The following PREX1 variants were observed in gnomAD, a reference collection of about 807,000 sequenced individuals.
The protein encoded by PREX1 is phosphatidylinositol 3,4,5-trisphosphate-dependent Rac exchanger 1 protein.
A neutral mutation model predicts 198.3 loss-of-function variants in PREX1; 41 were observed. The observed-to-expected ratio is 0.21, with a 90% CI of 0.16 to 0.27. The LOEUF (loss-of-function observed/expected upper bound fraction) is 0.27. Among genes scored for constraint, PREX1 ranks in the 10% least tolerant of loss-of-function variants. The pLI, the probability that PREX1 is intolerant of heterozygous loss-of-function variation, is 1.00. For synonymous variants in PREX1, 843 were observed against 887.2 expected, an observed-to-expected ratio of 0.95 and a Z score of 0.89; for missense variants, 1,620 against 2,200.7, an observed-to-expected ratio of 0.74 and a Z score of 5.28.
chr20:48,716,302 C>T (rs2206742), intron 5 of PREX1, among the ~76,000 whole-genome samples: 23,786 of 152,254 alleles, frequency 0.16, 2,197 homozygotes, highest in Middle Eastern at 0.29. Context: ...ACCTCCCTCT[C>T]GCCCCTGCAA....
intron 2 of PREX1, among the ~76,000 whole-genome samples, chr20:48,745,363 T>C (rs2090103019): frequency 6.6e-6 from 1 of 152,250 alleles, no homozygotes; most frequent in South Asian, 2.1e-4. Context: ...TAATCGTGTG[T>C]TAAGAACTTT....
At chr20:48,807,494 A>T (rs1184428925) in intron 1 of PREX1, among the ~76,000 whole-genome samples, 1 of 152,170 alleles carries the variant, frequency 6.6e-6, no homozygotes, top group Non-Finnish European at 1.5e-5. Context: ...GCTAACGGCC[A>T]CTCACAGAGT....
rs2089560558 is a variant in PREX1 at position 48,658,220 on chromosome 20, G to C, written c.1890C>G (p.Pro630=). 1 of 1,614,104 alleles carries C rather than the reference G, an allele frequency of 6.2e-7. No individual in the cohort carries two copies. Among genetic ancestry groups the C allele is most frequent in the Non-Finnish European group, 8.5e-7 (1 of 1,179,974 alleles). Residue 630 remains proline (P), a synonymous_variant, in exon 17 of 40, where the codon CCC becomes CCG. Transcript: ENST00000371941. The stretch of plus-strand genomic sequence containing the variant: ...TGTCAAAGCCATAGTCCTCCTCCTG[G>C]GGCAGGATCTGGGGGCCCAGGGCAG... ...NILAKRLLIL[P]QEEDYGFDIE...
intron 6 of PREX1, among the ~76,000 whole-genome samples, chr20:48,703,442 G>A (rs2089885776): frequency 6.6e-6 from 1 of 152,154 alleles, no homozygotes; most frequent in Non-Finnish European, 1.5e-5. Context: ...AAGACTCAGG[G>A]CTGTCATGAG....
intron 5 of PREX1, among the ~76,000 whole-genome samples, chr20:48,714,873 C>G (rs1278938648): frequency 2.0e-5 from 3 of 152,122 alleles, no homozygotes; most frequent in Non-Finnish European, 2.9e-5. Flanking sequence ...AGAGGGAGTG[C>G]ACAGATATGG....
chr20:48,651,648 G>T, intron 21 of PREX1, 65 bp from the exon 22 acceptor site: 4 of 1,493,078 alleles, frequency 2.7e-6, no homozygotes, highest in Non-Finnish European at 3.6e-6. Context: ...GAGGCGAGGA[G>T]GATTCTGGAG....
At chr20:48,734,438 C>T (rs1363589681) in intron 4 of PREX1, 108 bp downstream of exon 4, 1 of 956,206 alleles carries the variant, frequency 1.0e-6, no homozygotes, top group African/African-American at 1.6e-5. Context: ...TTACCCCAGC[C>T]AAGGAAAGGA....
chr20:48,859,626 G>A, the PREX1 span, among the ~76,000 whole-genome samples: 2 of 152,234 alleles, frequency 1.3e-5, no homozygotes, highest in African/African-American at 4.8e-5. Context: ...TGGTACAGCT[G>A]CTGTAGACCA....
At chr20:48,779,437 T>G (rs2090278459) in intron 1 of PREX1, among the ~76,000 whole-genome samples, 1 of 152,192 alleles carries the variant, frequency 6.6e-6, no homozygotes. Context: ...CCCACAAAGT[T>G]TTTTGGCAGC....
intron 5 of PREX1, among the ~76,000 whole-genome samples, chr20:48,721,888 G>A (rs2089988000): frequency 6.6e-6 from 1 of 152,134 alleles, no homozygotes; most frequent in African/African-American, 2.4e-5. Flanking sequence ...TGGGGAAAGA[G>A]GGACACCAAA....
Position 48,625,775 on chromosome 20 carries a change from G to A in PREX1, c.*110C>T, listed in dbSNP as rs11553082. 0.19 allele frequency: 240,358 copies of A among 1,280,792 alleles called. 23,843 individuals carry two copies. Among genetic ancestry groups the A allele is most frequent in the Middle Eastern group, 0.26 (937 of 3,634 alleles). The allele number at this position is 1,280,792 out of a possible 1,614,324, so 79.3% of individuals were successfully genotyped here. A position where few individuals can be genotyped will look rare whatever the true frequency, so the allele number is the denominator to read the frequency against. ...GAGGACGCTGGGCAGGTCCCGGAAC[G>A]GGCGGCTGCGGAAGCCTTGGGCCAT... On this transcript the variant is annotated 3_prime_UTR_variant, in exon 40 of 40. Coordinates refer to ENST00000371941, the MANE Select transcript of PREX1 (RefSeq NM_020820.4).
chr20:48,667,797 T>C (rs1431115698), intron 14 of PREX1, among the ~76,000 whole-genome samples: 1 of 152,192 alleles, frequency 6.6e-6, no homozygotes, highest in South Asian at 2.1e-4. Context: ...GGATGTCATC[T>C]TGGTGGGGCA....
chr20:48,854,883 G>A, the PREX1 span, among the ~76,000 whole-genome samples: 1 of 152,186 alleles, frequency 6.6e-6, no homozygotes, highest in Non-Finnish European at 1.5e-5. Flanking sequence ...GTGAGATGAT[G>A]GAAACAGTCA....
chr20:48,655,195 A>T (rs2089532630), intron 19 of PREX1, 95 bp downstream of exon 19: 1 of 1,230,102 alleles, frequency 8.1e-7, no homozygotes, highest in Admixed American at 2.9e-5. Context: ...ATTGTCTGGC[A>T]GAAGCCTAGA....
At chr20:48,726,643 A>G (rs2090011615) in intron 4 of PREX1, among the ~76,000 whole-genome samples, 2 of 152,208 alleles carry the variant, frequency 1.3e-5, no homozygotes, top group Non-Finnish European at 2.9e-5. Context: ...GTGGCCCCCT[A>G]CAAGCTACAA....
chr20:48,628,002 G>A, intron 37 of PREX1, 39 bp from the exon 38 acceptor site: 2 of 1,240,778 alleles, frequency 1.6e-6, no homozygotes, highest in Non-Finnish European at 1.2e-6. Flanking sequence ...TGGCGGTGGG[G>A]GGACAGGGGT....
intron 1 of PREX1, among the ~76,000 whole-genome samples, chr20:48,778,218 C>T (rs1270260004): frequency 1.3e-5 from 2 of 152,120 alleles, no homozygotes; most frequent in African/African-American, 4.8e-5. Context: ...GGCAAAGAAA[C>T]TAGAATAGCC....
the PREX1 span, among the ~76,000 whole-genome samples, chr20:48,869,448 G>A: frequency 6.6e-6 from 1 of 152,042 alleles, no homozygotes. Flanking sequence ...ACAGGCATGA[G>A]CTACCTTGAC....
the PREX1 span, among the ~76,000 whole-genome samples, chr20:48,867,259 T>G: frequency 6.6e-6 from 1 of 152,308 alleles, no homozygotes; most frequent in East Asian, 1.9e-4. Context: ...AAGTTTCTCA[T>G]GTAACAGGTG....
Sources: allele counts gnomAD v4.1 joint callset (sites outside exome capture counted in the v4.1 genomes callset), GRCh38; gene constraint gnomAD v4.1.1; transcripts MANE v1.5; gene names NCBI Gene and HGNC (gene_info 2026-07-23, HGNC 2026-07-21).